Variants in AP1S2 observed in about 807,000 individuals in gnomAD.
The protein encoded by AP1S2 is AP-1 complex subunit sigma-2.
In AP1S2, 1 loss-of-function variant was observed where a neutral mutation model predicts 14.3. That is an observed-to-expected ratio of 0.07 (90% confidence interval 0.02 to 0.33). The LOEUF (loss-of-function observed/expected upper bound fraction) is 0.33. Ranked by LOEUF, AP1S2 falls within the 10% of genes least tolerant of loss-of-function variation. The pLI is 0.99. For synonymous variants in AP1S2, 30 were observed against 40.5 expected, an observed-to-expected ratio of 0.74 and a Z score of 0.99; for missense variants, 30 against 117.7, an observed-to-expected ratio of 0.25 and a Z score of 3.45.
At chrX:15,853,386 C>G (rs1477584554) in intron 1 of AP1S2, among the ~76,000 whole-genome samples, 1 of 112,613 alleles carries the variant, frequency 8.9e-6, no homozygotes, top group Admixed American at 9.4e-5. Context: ...GTTGATTAGT[C>G]TGCATGTTTC....
chrX:15,848,094 C>A (rs1355877868), intron 2 of AP1S2, among the ~76,000 whole-genome samples: 1 of 111,289 alleles, frequency 9.0e-6, no homozygotes, highest in Non-Finnish European at 1.9e-5. Flanking sequence ...TGTCTAAGCC[C>A]CAGCCAGTAA....
At chrX:15,839,736 C>A (rs1933769823) in intron 4 of AP1S2, among the ~76,000 whole-genome samples, 1 of 109,986 alleles carries the variant, frequency 9.1e-6, no homozygotes, top group East Asian at 2.8e-4. Flanking sequence ...AATCCAACTG[C>A]CCCGGCCTCC....
intron 2 of AP1S2, among the ~76,000 whole-genome samples, chrX:15,847,126 C>A (rs193271719): frequency 9.0e-6 from 1 of 111,595 alleles, no homozygotes; most frequent in Non-Finnish European, 1.9e-5. Context: ...AGTTACTGCT[C>A]GTAGCATTAA....
intron 4 of AP1S2, among the ~76,000 whole-genome samples, chrX:15,829,763 C>T (rs1170458187): frequency 9.0e-6 from 1 of 111,003 alleles, no homozygotes; most frequent in Admixed American, 9.7e-5. Context: ...TTTATAGAAA[C>T]AGAAAGTCGA....
At chrX:15,829,465 G>A (rs1933360717) in intron 4 of AP1S2, among the ~76,000 whole-genome samples, 1 of 111,544 alleles carries the variant, frequency 9.0e-6, no homozygotes, top group Non-Finnish European at 1.9e-5. Flanking sequence ...CAGCTACTCC[G>A]TGGAGCTGGT....
chrX:15,839,440 A>G, intron 4 of AP1S2, among the ~76,000 whole-genome samples: 1 of 110,573 alleles, frequency 9.0e-6, no homozygotes, highest in Non-Finnish European at 1.9e-5. Flanking sequence ...AGCATGCCCA[A>G]ATATTCTTTC....
intron 4 of AP1S2, chrX:15,833,384 T>C (rs1933495391): frequency 2.3e-6 from 2 of 852,072 alleles, no homozygotes; most frequent in Non-Finnish European, 2.8e-6. Context: ...GGGTTGATGA[T>C]AAGCCAAACT....
intron 5 of AP1S2, among the ~76,000 whole-genome samples, chrX:15,827,875 C>T (rs944883643): frequency 9.0e-6 from 1 of 111,285 alleles, no homozygotes; most frequent in Non-Finnish European, 1.9e-5. Flanking sequence ...GCTATCTTCC[C>T]AGACCTCCCC....
intron 4 of AP1S2, among the ~76,000 whole-genome samples, chrX:15,839,187 T>A (rs1391430881): frequency 8.9e-6 from 1 of 112,092 alleles, no homozygotes; most frequent in Non-Finnish European, 1.9e-5. Context: ...CCTGATTAAG[T>A]TTACCTATAA....
intron 4 of AP1S2, chrX:15,832,632 G>C: frequency 1.3e-6 from 1 of 766,142 alleles, no homozygotes; most frequent in Non-Finnish European, 1.6e-6. Flanking sequence ...ATTTTCATAG[G>C]GAAATTCTTC....
chrX:15,828,322 TG>T, intron 4 of AP1S2, 122 bp from the exon 5 acceptor site: 1 of 470,051 alleles, frequency 2.1e-6, no homozygotes, highest in Non-Finnish European at 3.2e-6. Flanking sequence ...TTAAACTCTA[TG>T]GTCTGTTTCC....
intron 4 of AP1S2, among the ~76,000 whole-genome samples, chrX:15,835,758 AT>A (rs2147304928): frequency 9.0e-6 from 1 of 111,250 alleles, no homozygotes; most frequent in East Asian, 2.8e-4. Flanking sequence ...AACACGATGT[AT>A]ACTCTTTCAT....
At position 15,834,461 on chromosome X, in the gene AP1S2, TATATATATATATATATATAA is replaced by T. The variant is rs1427744692; in HGVS notation, c.427-6281_427-6262del. 2.3e-3 allele frequency among the ~76,000 whole-genome samples: 78 copies of T among 33,813 alleles called. 2 individuals carry two copies. Among genetic ancestry groups the T allele is most frequent in the African/African-American group, 8.1e-3 (53 of 6,553 alleles). 29.4% of individuals were successfully genotyped at this position (33,813 alleles called of 115,157 possible). The stretch of plus-strand genomic sequence containing the variant: ...CAAAATATATATATATATATATATA[TATATATATATATATATATAA>T]TTTTTTTTTTTTGAGACAGAGTCTT... On this transcript the variant is annotated intron_variant, in intron 4 of 5. Transcript: ENST00000672987.
At chrX:15,828,643 C>T (rs1933335078) in intron 4 of AP1S2, among the ~76,000 whole-genome samples, 1 of 110,111 alleles carries the variant, frequency 9.1e-6, no homozygotes, top group East Asian at 2.8e-4. Context: ...TCAAATTGAA[C>T]CTCAATCTAG....
intron 4 of AP1S2, 92 bp downstream of exon 4, chrX:15,845,287 G>T: frequency 8.4e-7 from 1 of 1,185,404 alleles, no homozygotes; most frequent in Non-Finnish European, 1.1e-6. Context: ...GCATGCTTCA[G>T]AGTACTTTCT....
intron 1 of AP1S2, among the ~76,000 whole-genome samples, chrX:15,853,156 C>T (rs992613035): frequency 8.9e-6 from 1 of 111,884 alleles, no homozygotes; most frequent in Admixed American, 9.4e-5. Flanking sequence ...TAAATATGTA[C>T]AAAATCTAGA....
rs1933723803 is a variant in AP1S2 at position 15,838,485 on chromosome X, T to C, written c.426+6894A>G. On this transcript the variant is annotated intron_variant, in intron 4 of 5. Transcript: ENST00000672987. ...CAAACGTGACATTTTTCAGAAAGTA[T>C]TTTTTAATTAAAAAAAAAATCACCA... Among the ~76,000 whole-genome samples the C allele has an allele frequency of 3.6e-5, 4 of 110,205 alleles. No homozygotes were observed. The Admixed American group carries it at 3.9e-4, about 11-fold the overall frequency.
At chrX:15,842,669 A>C (rs1933871657) in intron 4 of AP1S2, among the ~76,000 whole-genome samples, 1 of 112,157 alleles carries the variant, frequency 8.9e-6, no homozygotes, top group African/African-American at 3.2e-5. Flanking sequence ...GGTAAGGAAA[A>C]TTTTACATGG....
intron 4 of AP1S2, 119 bp from the exon 5 acceptor site, chrX:15,828,319 C>A: frequency 2.1e-6 from 1 of 481,803 alleles, no homozygotes. Context: ...TACTTAAACT[C>A]TATGGTCTGT....
Sources: gnomAD v4.1 joint callset for allele counts (sites outside exome capture counted in the v4.1 genomes callset) on GRCh38, gnomAD v4.1.1 for gene constraint, MANE v1.5 for transcripts, NCBI Gene and HGNC (gene_info 2026-07-23, HGNC 2026-07-21) for gene names.